SLC17A4: variants seen among roughly 807,000 people sequenced by gnomAD.
SLC17A4 encodes the protein solute carrier family 17 member 4.
A neutral mutation model predicts 52.5 loss-of-function variants in SLC17A4; 33 were observed. That is an observed-to-expected ratio of 0.63 (90% CI 0.48 to 0.84). The LOEUF (loss-of-function observed/expected upper bound fraction) is 0.84, where lower values mean the gene tolerates loss of function less well. SLC17A4 is among the 40% of genes least tolerant of loss of function. The pLI, the probability that SLC17A4 is intolerant of heterozygous loss-of-function variation, is 0.00. For missense variants in SLC17A4, 585 were observed against 597.1 expected, an observed-to-expected ratio of 0.98 and a Z score of 0.21; for synonymous variants, 225 against 216.2, an observed-to-expected ratio of 1.04 and a Z score of -0.36.
chr6:25,761,091 C>T (rs1341911964), intron 1 of SLC17A4, among the ~76,000 whole-genome samples: 3 of 152,074 alleles, frequency 2.0e-5, no homozygotes, highest in Non-Finnish European at 4.4e-5. Flanking sequence ...ATTCTTTGGT[C>T]AGTTTTTTAG....
intron 2 of SLC17A4, among the ~76,000 whole-genome samples, chr6:25,763,269 G>A (rs1224575149): frequency 1.3e-5 from 2 of 152,088 alleles, no homozygotes; most frequent in Non-Finnish European, 2.9e-5. Context: ...ACTTTACCCT[G>A]GCCTGTTGTT....
intron 1 of SLC17A4, among the ~76,000 whole-genome samples, chr6:25,755,458 A>C (rs906877728): frequency 1.3e-5 from 2 of 152,208 alleles, no homozygotes; most frequent in African/African-American, 4.8e-5. Context: ...TTGAGCTGTT[A>C]ATAGCTCTGC....
chr6:25,775,331 T>TG lies in SLC17A4; in HGVS notation c.988-1264_988-1263insG, dbSNP rs1554126361. On this transcript the variant is annotated intron_variant, in intron 8 of 11. Coordinates refer to ENST00000377905, the MANE Select transcript of SLC17A4 (RefSeq NM_005495.3). The stretch of plus-strand genomic sequence containing the variant: ...TGGGCAACAAGAGCTAAACTCTGTC[T>TG]AAAAAAAAAATAGAAAGACTGAAAA... 7.9e-3 allele frequency among the ~76,000 whole-genome samples: 1,171 copies of TG among 147,752 alleles called. 16 individuals are homozygous for TG. Among genetic ancestry groups the TG allele is most frequent in the African/African-American group, 0.019 (766 of 40,510 alleles).
chr6:25,771,127 T>C (rs748470812), intron 6 of SLC17A4, 115 bp downstream of exon 6: 71 of 831,070 alleles, frequency 8.5e-5, no homozygotes, highest in Non-Finnish European at 1.4e-4. Flanking sequence ...AAGCTGGTAG[T>C]GTTCAGAGCC....
At chr6:25,756,344 C>T (rs2151408354) in intron 1 of SLC17A4, among the ~76,000 whole-genome samples, 1 of 152,300 alleles carries the variant, frequency 6.6e-6, no homozygotes, top group South Asian at 2.1e-4. Context: ...TCTCAGTGTT[C>T]CCGTTTCAGC....
In SLC17A4 at chr6:25,770,278, G is replaced by A. The variant is rs751113057; in HGVS notation, c.509G>A (p.Arg170Gln). Residue 170 changes from arginine to glutamine, a missense_variant, in exon 4 of 12, where the codon CGG (arginine) becomes CAG (glutamine). Coordinates refer to ENST00000377905, the MANE Select transcript of SLC17A4 (RefSeq NM_005495.3). ...GGAGTGGCCTTGCTCATTGTCCTCC[G>A]GATTGTACAAGGCATAGCCCAGGTA... ...NAGVALLIVLRIVQGIAQVMV... is the reference protein window; with the variant it reads ...NAGVALLIVLQIVQGIAQVMV... 35 of 1,613,904 alleles carry A rather than the reference G, an allele frequency of 2.2e-5. No individual in the cohort carries two copies. The highest frequency in any genetic ancestry group is 8.9e-5 in the East Asian group (4 of 44,892).
intron 9 of SLC17A4, 30 bp downstream of exon 9, chr6:25,776,757 C>T (rs369309958): frequency 2.6e-5 from 42 of 1,613,750 alleles, no homozygotes; most frequent in East Asian, 1.3e-4. Context: ...CAGGGGTGAA[C>T]GTGGGAAGCT....
chr6:25,773,265 C>A lies in SLC17A4; in HGVS notation c.707-10C>A. On this transcript the variant is annotated splice_polypyrimidine_tract_variant and intron_variant, in intron 6 of 11. Transcript: ENST00000377905. ...ATCCATCCAGTGCTAACTGGATCCC[C>A]TTTTCCTAGGAGGAATTGGCTGTGC... 6.2e-7 allele frequency: 1 copy of A among 1,609,430 alleles called. No homozygotes were observed. Among genetic ancestry groups the A allele is most frequent in the Non-Finnish European group, 8.5e-7 (1 of 1,175,818 alleles).
intron 10 of SLC17A4, chr6:25,777,202 G>A (rs1762998222): frequency 2.1e-6 from 1 of 465,156 alleles, no homozygotes; most frequent in Non-Finnish European, 3.8e-6. Context: ...TCAACTGAGG[G>A]AGACTCACAC....
Position 25,779,088 on chromosome 6 carries a change from T to C in SLC17A4, c.1394T>C (p.Leu465Pro). The C allele has an allele frequency of 6.2e-7, 1 of 1,613,884 alleles. No individual in the cohort carries two copies. The highest frequency in any genetic ancestry group is 1.1e-5 in the South Asian group (1 of 91,074). The change falls in exon 12 of 12, where the codon CTT becomes CCT. Residue 465 changes from leucine to proline, a missense_variant. Coordinates refer to ENST00000377905, the MANE Select transcript of SLC17A4 (RefSeq NM_005495.3). ...TTTGGTTGGAGAAATGTCTTCTTGCTTTCAGCTGCTGTTAACATATCGGGC... is the reference window on the plus strand; with the variant it reads ...TTTGGTTGGAGAAATGTCTTCTTGCCTTCAGCTGCTGTTAACATATCGGGC... ...SEFGWRNVFL[L>P]SAAVNISGLV... is the part of the protein sequence containing the mutation.
chr6:25,774,322 G>C (rs1260651022), intron 8 of SLC17A4, among the ~76,000 whole-genome samples: 1 of 152,162 alleles, frequency 6.6e-6, no homozygotes, highest in African/African-American at 2.4e-5. Flanking sequence ...CTTAAAAGTG[G>C]CTATCAGATT....
In SLC17A4 at chr6:25,768,968, T is replaced by C. The variant is rs778920265; in HGVS notation, c.92-17T>C. On this transcript the variant is annotated splice_polypyrimidine_tract_variant and intron_variant, in intron 2 of 11. Transcript: ENST00000377905. ...AAAGCATTCTGATTGTGATTTTTCA[T>C]GCCCTTTTCCTCTCAGGTTTTTGTT... The C allele has an allele frequency of 6.2e-6, 10 of 1,612,360 alleles. No homozygotes were observed. The highest frequency in any genetic ancestry group is 1.3e-5 in the African/African-American group (1 of 75,016).
At chr6:25,770,854 A>C in intron 5 of SLC17A4, 72 bp from the exon 6 acceptor site, 2 of 1,179,122 alleles carry the variant, frequency 1.7e-6, no homozygotes, top group Non-Finnish European at 2.5e-6. Context: ...TGTGCAACTC[A>C]GCATTGTAGA....
chr6:25,765,122 TGTAGGG>T (rs1174805817), intron 2 of SLC17A4, among the ~76,000 whole-genome samples: 1 of 152,224 alleles, frequency 6.6e-6, no homozygotes, highest in Admixed American at 6.5e-5. Context: ...GGTCCAAGGC[TGTAGGG>T]GTGGACTACA....
rs1292485595 is a variant in SLC17A4 at position 25,775,532 on chromosome 6, C to T, written c.988-1063C>T. On this transcript the variant is annotated intron_variant, in intron 8 of 11. Coordinates refer to ENST00000377905, the MANE Select transcript of SLC17A4 (RefSeq NM_005495.3). ...CTCACTAAAGCTTCGACCTCCCAGG[C>T]TCAAGCAATCCTCCTACCTCAGCCT... Among the ~76,000 whole-genome samples the T allele has an allele frequency of 2.0e-5, 3 of 152,082 alleles. No individual in the cohort carries two copies. In the East Asian group the frequency reaches 5.8e-4, roughly 30 times the overall value.
chr6:25,770,381 C>G lies in SLC17A4; in HGVS notation c.532-3C>G, dbSNP rs199617227. 433 of 1,614,036 alleles carry G rather than the reference C, an allele frequency of 2.7e-4. No individual in the cohort carries two copies. The African/African-American group carries it at 5.5e-3, about 20-fold the overall frequency. On this transcript the variant is annotated splice_polypyrimidine_tract_variant and splice_region_variant and intron_variant, in intron 4 of 11. Transcript: ENST00000377905. The stretch of plus-strand genomic sequence containing the variant: ...TCTCCAAGAATGGAATTTTTCCCCC[C>G]AGGTTATGGTATTAACTGGTCAGTA...
chr6:25,777,328 A>T (rs1165526536), intron 10 of SLC17A4: 1 of 195,470 alleles, frequency 5.1e-6, no homozygotes. Flanking sequence ...AGGACACAGG[A>T]CTGCAGGAGA....
In SLC17A4 at chr6:25,779,197, A is replaced by C. The variant is rs1258531454; in HGVS notation, c.*9A>C. ...CATTCACCCACCTCTGAGCAAACCG[A>C]GAGATGTGCTAGATCCTGGTGCTTA... On this transcript the variant is annotated 3_prime_UTR_variant, in exon 12 of 12. Transcript: ENST00000377905. 1.9e-6 allele frequency: 3 copies of C among 1,613,272 alleles called. No individual in the cohort carries two copies. The highest frequency in any genetic ancestry group is 1.1e-5 in the South Asian group (1 of 90,944).
At chr6:25,770,007 C>A in intron 3 of SLC17A4, 60 bp from the exon 4 acceptor site, 1 of 1,512,896 alleles carries the variant, frequency 6.6e-7, no homozygotes, top group Non-Finnish European at 9.1e-7. Flanking sequence ...CTCAAGTCCT[C>A]ACAATGAAAA....
Sources: gnomAD v4.1 joint callset for allele counts (sites outside exome capture counted in the v4.1 genomes callset) on GRCh38, gnomAD v4.1.1 for gene constraint, MANE v1.5 for transcripts, NCBI Gene and HGNC (gene_info 2026-07-23, HGNC 2026-07-21) for gene names.